The following MICU2 variants were observed in gnomAD, a reference collection of about 807,000 sequenced individuals.
MICU2 encodes mitochondrial calcium uptake 2.
A neutral mutation model predicts 60.4 loss-of-function variants in MICU2; 64 were observed. The ratio of observed to expected loss-of-function variants is 1.06; its 90% confidence interval spans 0.87 to 1.31. The LOEUF is 1.31. MICU2 is among the 50% of genes most tolerant of loss of function. The pLI, the probability that MICU2 is intolerant of heterozygous loss-of-function variation, is 0.00. For missense variants in MICU2, 569 were observed against 531.0 expected, an observed-to-expected ratio of 1.07 and a Z score of -0.70; for synonymous variants, 201 against 175.0, an observed-to-expected ratio of 1.15 and a Z score of -1.17.
chr13:21,539,852 CAG>C (rs1887238597), intron 2 of MICU2, among the ~76,000 whole-genome samples, 164 bp from the exon 3 acceptor site: 1 of 152,178 alleles, frequency 6.6e-6, no homozygotes, highest in South Asian at 2.1e-4. Context: ...AATCATGAGT[CAG>C]AGAATTCTAA....
At chr13:21,545,985 C>T (rs6490659) in intron 2 of MICU2, among the ~76,000 whole-genome samples, 20,879 of 152,084 alleles carry the variant, frequency 0.14, 1,577 homozygotes, top group Middle Eastern at 0.2. Context: ...TGTATTGCAA[C>T]ATCACTATGT....
chr13:21,533,901 C>T (rs1238950197), intron 4 of MICU2, among the ~76,000 whole-genome samples: 1 of 152,044 alleles, frequency 6.6e-6, no homozygotes, highest in Non-Finnish European at 1.5e-5. Flanking sequence ...AAATAATTCA[C>T]ATCAAAGTCA....
At chr13:21,549,985 T>C (rs1214594655) in intron 2 of MICU2, among the ~76,000 whole-genome samples, 2 of 152,178 alleles carry the variant, frequency 1.3e-5, no homozygotes, top group African/African-American at 4.8e-5. Context: ...GCTAAAATCA[T>C]GGTCTAACAG....
chr13:21,496,251 A>ATCATTTT, intron 9 of MICU2, 91 bp from the exon 10 acceptor site: 1 of 906,126 alleles, frequency 1.1e-6, no homozygotes, highest in Non-Finnish European at 1.7e-6. Flanking sequence ...TACCGTAGAG[A>ATCATTTT]CTAGTATCAT....
At chr13:21,520,408 C>T (rs1414171092) in intron 6 of MICU2, among the ~76,000 whole-genome samples, 1 of 152,076 alleles carries the variant, frequency 6.6e-6, no homozygotes, top group Non-Finnish European at 1.5e-5. Context: ...TTCCCACCAG[C>T]AATGTAAGAG....
chr13:21,561,168 G>C (rs1261073368), intron 2 of MICU2, among the ~76,000 whole-genome samples: 1 of 152,078 alleles, frequency 6.6e-6, no homozygotes, highest in Non-Finnish European at 1.5e-5. Context: ...TACTTTGTAT[G>C]ATTTCTATTC....
chr13:21,502,855 G>A (rs950748974), intron 9 of MICU2, 71 bp downstream of exon 9: 25 of 1,428,998 alleles, frequency 1.7e-5, no homozygotes, highest in Non-Finnish European at 2.3e-5. Context: ...TAATTCAGAA[G>A]TTACTTTATG....
intron 2 of MICU2, among the ~76,000 whole-genome samples, chr13:21,548,798 A>C (rs566952197): frequency 1.3e-5 from 2 of 152,292 alleles, no homozygotes; most frequent in Admixed American, 1.3e-4. Context: ...CTAAGCATAC[A>C]GGAATCTAAG....
Position 21,539,641 on chromosome 13 carries a change from A to C in MICU2, c.390+16T>G. On this transcript the variant is annotated intron_variant, in intron 3 of 11. Transcript: ENST00000382374. ...TTACCAAAAACAAACCCTGCCCCCCACAACATGATGCTTACCTTTTTTGTC... is the reference window on the plus strand; with the variant it reads ...TTACCAAAAACAAACCCTGCCCCCCCCAACATGATGCTTACCTTTTTTGTC... The C allele has an allele frequency of 6.2e-7, 1 of 1,614,034 alleles. No homozygotes were observed. Among genetic ancestry groups the C allele is most frequent in the Non-Finnish European group, 8.5e-7 (1 of 1,179,984 alleles).
intron 1 of MICU2, among the ~76,000 whole-genome samples, chr13:21,597,297 G>A (rs536203745): frequency 2.0e-5 from 3 of 152,022 alleles, no homozygotes; most frequent in East Asian, 3.9e-4. Flanking sequence ...AGATAAGAGC[G>A]AAGTCTCTTA....
At chr13:21,504,091 A>G (rs551716799) in intron 8 of MICU2, among the ~76,000 whole-genome samples, 192 of 152,256 alleles carry the variant, frequency 1.3e-3, no homozygotes, top group African/African-American at 4.5e-3. Context: ...CATTTTCTGA[A>G]TGTACTGAAT....
At chr13:21,495,397 G>A in intron 10 of MICU2, 79 bp from the exon 11 acceptor site, 5 of 1,311,200 alleles carry the variant, frequency 3.8e-6, no homozygotes, top group Admixed American at 3.0e-5. Context: ...CATTATTTGA[G>A]AAGTAAAAGC....
rs796385356 is a variant in MICU2 at position 21,508,128 on chromosome 13, CTTTTTTT to C, written c.761+1869_761+1875del. Among the ~76,000 whole-genome samples the C allele has an allele frequency of 2.9e-5, 4 of 136,902 alleles. No individual in the cohort carries two copies. In the South Asian group the frequency reaches 9.2e-4, roughly 32 times the overall value. The allele number at this position is 136,902 out of a possible 152,430, so 89.8% of individuals were successfully genotyped here. A position where few individuals can be genotyped will look rare whatever the true frequency, so the allele number is the denominator to read the frequency against. On this transcript the variant is annotated intron_variant, in intron 8 of 11. Coordinates refer to ENST00000382374, the MANE Select transcript of MICU2 (RefSeq NM_152726.3). The stretch of plus-strand genomic sequence containing the variant: ...CTACACTAGTTCAAGGCTCTTCTTT[CTTTTTTT>C]TTTTTTTTGAGACGGAGTCTCGCTC...
intron 8 of MICU2, among the ~76,000 whole-genome samples, chr13:21,508,239 C>A (rs2138145103): frequency 6.6e-6 from 1 of 151,858 alleles, no homozygotes; most frequent in East Asian, 2.0e-4. Context: ...CATTCTCCTG[C>A]CTCAGCCTCC....
chr13:21,541,938 T>A lies in MICU2; in HGVS notation c.359-2250A>T, dbSNP rs186930401. 2.6e-4 allele frequency among the ~76,000 whole-genome samples: 40 copies of A among 152,290 alleles called. No homozygotes were observed. In the East Asian group the frequency reaches 4.0e-3, roughly 15 times the overall value. On this transcript the variant is annotated intron_variant, in intron 2 of 11. Transcript: ENST00000382374. ...GTAAAAACATCTTTTTAAATTTTTT[T>A]AATTCAAATGGAATAAATAATTAGA...
rs569288656 is a variant in MICU2, at chr13:21,588,374, C to A, written c.210+15565G>T. Among the ~76,000 whole-genome samples, 3 of 152,274 alleles carry A rather than the reference C, an allele frequency of 2.0e-5. No homozygotes were observed. The East Asian group carries it at 5.8e-4, about 29-fold the overall frequency. On this transcript the variant is annotated intron_variant, in intron 1 of 11. Coordinates refer to ENST00000382374, the MANE Select transcript of MICU2 (RefSeq NM_152726.3). ...TAAGGTGGTCCTCCAGTTGACCAGG[C>A]GTGGGCTGCATGGTAGTTCTTTTCC... is the stretch of plus-strand genomic sequence containing the variant.
intron 9 of MICU2, among the ~76,000 whole-genome samples, chr13:21,500,425 T>G (rs952852202): frequency 7.4e-6 from 1 of 135,328 alleles, no homozygotes; most frequent in Non-Finnish European, 1.5e-5. Context: ...TGATTTTTTT[T>G]TTTTTTTTTT....
chr13:21,535,655 AT>A (rs1028987932), intron 4 of MICU2, among the ~76,000 whole-genome samples: 69 of 152,172 alleles, frequency 4.5e-4, no homozygotes, highest in African/African-American at 1.5e-3. Context: ...TTACAAAAAA[AT>A]ATAGCAATAT....
At chr13:21,531,093 C>T (rs1886985658) in intron 4 of MICU2, 2 of 990,636 alleles carry the variant, frequency 2.0e-6, no homozygotes, top group Non-Finnish European at 3.3e-6. Flanking sequence ...ACTTGATTTA[C>T]AACCAAGGCA....
Sources: allele counts gnomAD v4.1 joint callset (sites outside exome capture counted in the v4.1 genomes callset), GRCh38; gene constraint gnomAD v4.1.1; transcripts MANE v1.5; gene names NCBI Gene and HGNC (gene_info 2026-07-23, HGNC 2026-07-21).